Variants in NPIPB5 observed in about 807,000 individuals in gnomAD.
NPIPB5 encodes the protein nuclear pore complex-interacting protein family member B5.
For synonymous variants in NPIPB5, 1 was observed against 168.2 expected (o/e 0.01, Z 7.69); for missense variants, 10 against 414.7 (o/e 0.02, Z 8.48).
chr16:22,534,851 T>C, exon 7 of NPIPB5: 1 of 840,270 alleles, frequency 1.2e-6, no homozygotes, highest in South Asian at 1.4e-5. Context: ...CATCAGCCGA[T>C]GATAATCTCA....
chr16:22,528,750 C>A (rs1361546041), intron 4 of NPIPB5, among the ~76,000 whole-genome samples: 1 of 125,258 alleles, frequency 8.0e-6, no homozygotes, highest in Non-Finnish European at 1.6e-5. Flanking sequence ...GTCACCCAGG[C>A]TAGAGTGCAG....
rs1489336393 is a variant in NPIPB5 at position 22,529,168 on chromosome 16, C to CT, written c.545+1198dup. Among the ~76,000 whole-genome samples, 23 of 88,764 alleles carry CT rather than the reference C, an allele frequency of 2.6e-4. No homozygotes were observed. The East Asian group carries it at 7.1e-3, about 27-fold the overall frequency. 58.2% of individuals were successfully genotyped at this position (88,764 alleles called of 152,430 possible). A position where few individuals can be genotyped will look rare whatever the true frequency, so the allele number is the denominator to read the frequency against. On this transcript the variant is annotated intron_variant, in intron 4 of 6. Transcript: ENST00000424340. ...TCACCTCCAGATTCATTTTCACAGT[C>CT]TTTCATGTTTTGGTCATATGACATT... is the stretch of plus-strand genomic sequence containing the variant.
chr16:22,510,720 A>G (rs1161244265), upstream of NPIPB5, among the ~76,000 whole-genome samples: 3 of 87,774 alleles, frequency 3.4e-5, 1 homozygote, highest in South Asian at 4.1e-4. Flanking sequence ...GATGGAAACA[A>G]TAGTTATGAT....
chr16:22,517,924 T>G (rs1263535809), intron 1 of NPIPB5, among the ~76,000 whole-genome samples: 1 of 140,244 alleles, frequency 7.1e-6, no homozygotes, highest in Non-Finnish European at 1.6e-5. Context: ...TTGTAGTTGT[T>G]GCTGTTTTTG....
At chr16:22,528,692 ATTTT>A (rs1175345253) in intron 4 of NPIPB5, among the ~76,000 whole-genome samples, 56 of 49,146 alleles carry the variant, frequency 1.1e-3, no homozygotes, top group East Asian at 3.9e-3. Context: ...CATTTGACCA[ATTTT>A]TTTTTTTTTT....
chr16:22,510,641 A>G (rs1247133545), upstream of NPIPB5, among the ~76,000 whole-genome samples: 2 of 41,182 alleles, frequency 4.9e-5, no homozygotes, highest in Non-Finnish European at 7.1e-5. Flanking sequence ...GAAAGAAAAC[A>G]AAAGAAAATT....
At chr16:22,517,905 G>A (rs949840515) in intron 1 of NPIPB5, among the ~76,000 whole-genome samples, 3 of 140,318 alleles carry the variant, frequency 2.1e-5, no homozygotes, top group Admixed American at 1.5e-4. Flanking sequence ...TGTTAACCCT[G>A]TTTTTTGTTT....
Position 22,528,692 on chromosome 16 carries a change from A to ATTTTTTTTTTTTTTTT in NPIPB5, c.545+733_545+748dup, listed in dbSNP as rs1175345253. ...AGGTGTGTGCCACCACATTTGACCA[A>ATTTTTTTTTTTTTTTT]TTTTTTTTTTTTTTTTTTTTTTTTT... On this transcript the variant is annotated intron_variant, in intron 4 of 6. Transcript: ENST00000424340. 4.3e-4 allele frequency among the ~76,000 whole-genome samples: 21 copies of ATTTTTTTTTTTTTTTT among 49,202 alleles called. 2 individuals carry two copies. The highest frequency in any genetic ancestry group is 2.1e-3 in the South Asian group (2 of 964). 32.3% of individuals were successfully genotyped at this position (49,202 alleles called of 152,430 possible).
At chr16:22,514,833 GAT>G (rs2049784386) in intron 1 of NPIPB5, among the ~76,000 whole-genome samples, 1 of 11,104 alleles carries the variant, frequency 9.0e-5, no homozygotes. Flanking sequence ...GATTTATATA[GAT>G]ACACACACAC....
chr16:22,528,531 T>C (rs1316325368), intron 4 of NPIPB5, among the ~76,000 whole-genome samples: 2 of 91,652 alleles, frequency 2.2e-5, no homozygotes, highest in South Asian at 7.8e-4. Flanking sequence ...TTTTTTTTTT[T>C]TTTTTTTTTA....
intron 1 of NPIPB5, among the ~76,000 whole-genome samples, chr16:22,517,792 G>C (rs1170926126): frequency 2.6e-5 from 2 of 76,564 alleles, no homozygotes; most frequent in Non-Finnish European, 5.2e-5. Flanking sequence ...GCCTGCCTCA[G>C]CCTCCCAAAG....
rs1221935296 is a variant in NPIPB5, at chr16:22,514,885, C to CAT, written c.120+965_120+966insTA. On this transcript the variant is annotated intron_variant, in intron 1 of 6. Transcript: ENST00000424340. ...ACACACACACACACACACACACACA[C>CAT]ACACACACACACACATATTTTTTGA... Among the ~76,000 whole-genome samples, 5 of 43,846 alleles carry CAT rather than the reference C, an allele frequency of 1.1e-4. 2 individuals carry two copies. The African/African-American group carries it at 1.3e-3, about 11-fold the overall frequency. The allele number at this position is 43,846 out of a possible 152,430, so 28.8% of individuals were successfully genotyped here. A position where few individuals can be genotyped will look rare whatever the true frequency, so the allele number is the denominator to read the frequency against.
At chr16:22,528,692 A>AGTTTTTTT (rs2049839310) in intron 4 of NPIPB5, among the ~76,000 whole-genome samples, 1 of 49,192 alleles carries the variant, frequency 2.0e-5, no homozygotes, top group Non-Finnish European at 3.2e-5. Flanking sequence ...CATTTGACCA[A>AGTTTTTTT]TTTTTTTTTT....
intron 4 of NPIPB5, among the ~76,000 whole-genome samples, chr16:22,528,691 A>ATTTTTTTTTT (rs2049838929): frequency 3.9e-5 from 1 of 25,344 alleles, no homozygotes; most frequent in African/African-American, 1.6e-4. Context: ...ACATTTGACC[A>ATTTTTTTTTT]ATTTTTTTTT....
upstream of NPIPB5, among the ~76,000 whole-genome samples, chr16:22,510,836 A>C (rs1407589496): frequency 1.3e-5 from 1 of 79,314 alleles, no homozygotes. Context: ...GGGCCAGCAG[A>C]CTTTTATAAA....
chr16:22,514,839 C>CAG (rs2049785230), intron 1 of NPIPB5, among the ~76,000 whole-genome samples: 1 of 41,548 alleles, frequency 2.4e-5, no homozygotes, highest in Admixed American at 3.0e-4. Flanking sequence ...TATAGATACA[C>CAG]ACACACACAC....
chr16:22,534,134 A>T, exon 7 of NPIPB5: 1 of 633,860 alleles, frequency 1.6e-6, no homozygotes, highest in Non-Finnish European at 2.6e-6. Flanking sequence ...GCGGATGATA[A>T]TCTCAAGACA....
intron 1 of NPIPB5, among the ~76,000 whole-genome samples, chr16:22,514,854 A>ACT (rs2049785550): frequency 2.3e-5 from 1 of 42,810 alleles, no homozygotes; most frequent in Non-Finnish European, 3.7e-5. Flanking sequence ...ACACACACAC[A>ACT]CACACACACA....
chr16:22,536,491 GA>G (rs1358073318), downstream of NPIPB5: 247 of 143,180 alleles, frequency 1.7e-3, no homozygotes, highest in African/African-American at 6.7e-3. Flanking sequence ...AACTAACAAA[GA>G]ATAAATAAAT....
Sources: allele counts gnomAD v4.1 joint callset (sites outside exome capture counted in the v4.1 genomes callset), GRCh38; gene constraint gnomAD v4.1.1; transcripts MANE v1.5; gene names NCBI Gene and HGNC (gene_info 2026-07-23, HGNC 2026-07-21).